The following NFIC variants were observed in gnomAD, a reference collection of about 807,000 sequenced individuals.
NFIC encodes the protein nuclear factor I C.
In NFIC, 12 loss-of-function variants were observed where a neutral mutation model predicts 54.4. That is an observed-to-expected ratio of 0.22 (90% CI 0.14 to 0.36). The LOEUF is 0.36. Ranked by LOEUF, NFIC falls within the 10% of genes least tolerant of loss-of-function variation. The pLI is 1.00. For synonymous variants in NFIC, 322 were observed against 319.2 expected (o/e 1.01, Z -0.09); for missense variants, 575 against 718.2 (o/e 0.80, Z 2.28).
At chr19:3,405,035 C>T (rs1461358686) in intron 2 of NFIC, among the ~76,000 whole-genome samples, 3 of 152,222 alleles carry the variant, frequency 2.0e-5, no homozygotes, top group Non-Finnish European at 4.4e-5. Flanking sequence ...TCCACCAGCG[C>T]CCGGGAGGGC....
At chr19:3,404,021 C>T (rs1442119777) in intron 2 of NFIC, among the ~76,000 whole-genome samples, 1 of 151,622 alleles carries the variant, frequency 6.6e-6, no homozygotes, top group Non-Finnish European at 1.5e-5. Flanking sequence ...CCCCCCAGCC[C>T]CTGGCCTGCC....
At chr19:3,364,287 AGTTC>A (rs2080854626), upstream of NFIC, among the ~76,000 whole-genome samples, 1 of 152,194 alleles carries the variant, frequency 6.6e-6, no homozygotes, top group Non-Finnish European at 1.5e-5. Context: ...TATGACGTAC[AGTTC>A]CCTGTTGTAA....
intron 2 of NFIC, among the ~76,000 whole-genome samples, chr19:3,404,631 C>G (rs989077692): frequency 6.6e-6 from 1 of 151,928 alleles, no homozygotes; most frequent in Admixed American, 6.6e-5. Flanking sequence ...GCCGGGTGCC[C>G]GAGGCCGGTG....
chr19:3,409,149 C>G (rs2081707180), intron 2 of NFIC, among the ~76,000 whole-genome samples: 1 of 152,202 alleles, frequency 6.6e-6, no homozygotes, highest in South Asian at 2.1e-4. Context: ...TGGTCCCGCT[C>G]CCCTCTCCGT....
rs1440134479 is a variant in NFIC at position 3,453,468 on chromosome 19, C to T, written c.1270-295C>T. On this transcript the variant is annotated intron_variant, in intron 8 of 10. Transcript: ENST00000443272. This position sits in a 1 kb window ranked among gnomAD's most constrained non-coding sequence, Gnocchi z 6.7. ...AGAACCTGCTGTTAGGAGGCGGTGG[C>T]ACTGTTTGGAAGGAAATCAGTCGAG... Among the ~76,000 whole-genome samples, 1 of 152,280 alleles carries T rather than the reference C, an allele frequency of 6.6e-6. No homozygotes were observed. Among genetic ancestry groups the T allele is most frequent in the South Asian group, 2.1e-4 (1 of 4,828 alleles).
intron 2 of NFIC, among the ~76,000 whole-genome samples, chr19:3,399,235 CG>C (rs1404939142): frequency 6.6e-6 from 1 of 152,206 alleles, no homozygotes; most frequent in Non-Finnish European, 1.5e-5. Flanking sequence ...TATAAAATAG[CG>C]CCTGCTCTGT....
Position 3,466,826 on chromosome 19 carries a change from C to T in NFIC, c.*4057C>T, listed in dbSNP as rs2082723166. On this transcript the variant is annotated 3_prime_UTR_variant, in exon 11 of 11. Transcript: ENST00000443272. The surrounding 1 kb of genome is among the most constrained non-coding windows in gnomAD (Gnocchi z 4.8). ...CTGGGCTGGACGCCACCCTTCTCAC[C>T]CCGAGCTTGCCTCCTTGGCTCACTT... 6.6e-6 allele frequency: 1 copy of T among 152,298 alleles called. No individual in the cohort carries two copies. Among genetic ancestry groups the T allele is most frequent in the African/African-American group, 2.4e-5 (1 of 41,416 alleles). The allele number at this position is 152,298 out of a possible 1,614,324, so 9.4% of individuals were successfully genotyped here.
chr19:3,407,944 C>A (rs1323290221), intron 2 of NFIC, among the ~76,000 whole-genome samples: 1 of 152,158 alleles, frequency 6.6e-6, no homozygotes, highest in East Asian at 1.9e-4. Context: ...CTCGTATATT[C>A]CATTGCCTTC....
rs574074419 is a variant in NFIC at position 3,416,856 on chromosome 19, A to G, written c.563-8250A>G. 7.6e-4 allele frequency among the ~76,000 whole-genome samples: 112 copies of G among 147,666 alleles called. 2 individuals are homozygous for G. The highest frequency in any genetic ancestry group is 2.7e-3 in the African/African-American group (109 of 39,954). ...TTTAAAAACACAAAATTCTGGCCAG[A>G]CATGGTGGCTCACGCCTGTAATCCC... On this transcript the variant is annotated intron_variant, in intron 2 of 10. Transcript: ENST00000443272.
chr19:3,394,514 T>TCCCCCCCCCCCCCCCCC (rs199958298), intron 2 of NFIC, among the ~76,000 whole-genome samples: 4 of 25,224 alleles, frequency 1.6e-4, no homozygotes, highest in Admixed American at 5.1e-4. Flanking sequence ...TATGATCTTT[T>TCCCCCCCCCCCCCCCCC]CCCCACCCAC....
intron 1 of NFIC, among the ~76,000 whole-genome samples, chr19:3,380,627 G>C (rs74734692): frequency 0.57 from 72,421 of 127,230 alleles, 21,725 homozygotes; most frequent in African/African-American, 0.78. Flanking sequence ...CTGCGCCCAG[G>C]CTTTTTTTTT....
chr19:3,364,357 C>T (rs547810092), upstream of NFIC, among the ~76,000 whole-genome samples: 8 of 152,278 alleles, frequency 5.3e-5, no homozygotes, highest in South Asian at 6.2e-4. Flanking sequence ...GAGCTGGCGT[C>T]GCCCCATTTC....
At chr19:3,371,937 TTCCCTCCCTCCC>T (rs35615324) in intron 1 of NFIC, among the ~76,000 whole-genome samples, 21 of 87,738 alleles carry the variant, frequency 2.4e-4, no homozygotes, top group African/African-American at 9.3e-4. Context: ...CCTTCCTTCC[TTCCCTCCCTCCC>T]TCCCTCCTTC....
At chr19:3,389,135 A>C (rs116782005) in intron 2 of NFIC, among the ~76,000 whole-genome samples, 1 of 152,160 alleles carries the variant, frequency 6.6e-6, no homozygotes, top group Non-Finnish European at 1.5e-5. Flanking sequence ...GGCCGTGCAC[A>C]CTCAGGGAGT....
chr19:3,363,422 C>T (rs779949784), upstream of NFIC, among the ~76,000 whole-genome samples: 6 of 151,420 alleles, frequency 4.0e-5, no homozygotes, highest in Non-Finnish European at 8.8e-5. Flanking sequence ...CAGGCACCCT[C>T]GCCCATGCCC....
At chr19:3,422,660 T>C (rs933583856) in intron 2 of NFIC, among the ~76,000 whole-genome samples, 2 of 150,956 alleles carry the variant, frequency 1.3e-5, no homozygotes, top group Admixed American at 6.6e-5. Flanking sequence ...GAGCTTGCAG[T>C]GAGCCGAGAT....
intron 1 of NFIC, among the ~76,000 whole-genome samples, chr19:3,368,180 G>C (rs1185719926): frequency 6.6e-6 from 1 of 152,196 alleles, no homozygotes; most frequent in African/African-American, 2.4e-5. Context: ...GGCTTGTGGG[G>C]TGACTGAGGT....
intron 2 of NFIC, among the ~76,000 whole-genome samples, chr19:3,394,392 A>G (rs570975880): frequency 6.6e-6 from 1 of 152,020 alleles, no homozygotes; most frequent in South Asian, 2.1e-4. Flanking sequence ...AGGTGGGAAG[A>G]TCGCTTGAGC....
At chr19:3,366,557 G>A (rs914052618), upstream of NFIC, 7 of 670,402 alleles carry the variant, frequency 1.0e-5, no homozygotes, top group South Asian at 4.4e-5. Flanking sequence ...TGGGGGGGGC[G>A]GGGGGGTGGT....
Sources: gnomAD v4.1 joint callset for allele counts (sites outside exome capture counted in the v4.1 genomes callset) on GRCh38, gnomAD v4.1.1 for gene constraint, Gnocchi (gnomAD v3.1) non-coding constraint, MANE v1.5 for transcripts, NCBI Gene and HGNC (gene_info 2026-07-23, HGNC 2026-07-21) for gene names.